Variants in DRC8 observed in about 807,000 individuals in gnomAD.
The protein encoded by DRC8 is dynein regulatory complex protein 8.
the DRC8 span, among the ~76,000 whole-genome samples, chr1:245,080,679 C>T: frequency 6.6e-6 from 1 of 152,152 alleles, no homozygotes; most frequent in South Asian, 2.1e-4. Context: ...TGAAGCCATC[C>T]ATTTCTCTCT....
the DRC8 span, among the ~76,000 whole-genome samples, chr1:245,052,421 T>C: frequency 1.3e-5 from 2 of 152,216 alleles, no homozygotes; most frequent in Middle Eastern, 3.4e-3. Flanking sequence ...CGTGTGTAGA[T>C]TAACTGCCAA....
At chr1:244,981,847 C>T in the DRC8 span, among the ~76,000 whole-genome samples, 1 of 152,170 alleles carries the variant, frequency 6.6e-6, no homozygotes. Flanking sequence ...TTGAAATATG[C>T]TAGTGCATTC....
the DRC8 span, among the ~76,000 whole-genome samples, chr1:245,013,860 G>T: frequency 6.6e-6 from 1 of 151,564 alleles, no homozygotes; most frequent in Non-Finnish European, 1.5e-5. Flanking sequence ...GTGAAACCCC[G>T]TCTCTACTAA....
chr1:245,086,041 C>T, the DRC8 span, among the ~76,000 whole-genome samples: 2 of 152,176 alleles, frequency 1.3e-5, no homozygotes, highest in African/African-American at 4.8e-5. Context: ...AGTGCGACCA[C>T]GTGGTTTACT....
At chr1:245,018,518 TG>T in the DRC8 span, among the ~76,000 whole-genome samples, 1 of 151,900 alleles carries the variant, frequency 6.6e-6, no homozygotes, top group African/African-American at 2.4e-5. Context: ...AGGAAATGAG[TG>T]GGCAGGGTGC....
the DRC8 span, among the ~76,000 whole-genome samples, chr1:245,108,168 G>A: frequency 6.6e-6 from 1 of 151,696 alleles, no homozygotes; most frequent in Non-Finnish European, 1.5e-5. Flanking sequence ...TCCCTCCACC[G>A]CCAAGCATTC....
the DRC8 span, among the ~76,000 whole-genome samples, chr1:245,081,715 T>G: frequency 3.3e-5 from 5 of 151,902 alleles, no homozygotes; most frequent in South Asian, 1.0e-3. Context: ...GTAATCTGCC[T>G]GCCTTGGCCT....
chr1:245,124,515 T>C, the DRC8 span: 1 of 152,130 alleles, frequency 6.6e-6, no homozygotes, highest in African/African-American at 2.4e-5. Context: ...TAAGCATCAG[T>C]CAGCCTGCAC....
At chr1:244,993,905 T>TG in the DRC8 span, among the ~76,000 whole-genome samples, 2 of 152,080 alleles carry the variant, frequency 1.3e-5, no homozygotes, top group East Asian at 3.9e-4. Flanking sequence ...AAAACTTGCA[T>TG]GGGGGTTTCA....
At chr1:245,018,434 C>T in the DRC8 span, among the ~76,000 whole-genome samples, 92 of 152,206 alleles carry the variant, frequency 6.0e-4, 1 homozygote, top group Middle Eastern at 6.8e-3. Flanking sequence ...CATACAGCTC[C>T]GGTGGCTGTG....
the DRC8 span, among the ~76,000 whole-genome samples, chr1:245,036,321 A>G: frequency 6.6e-6 from 1 of 152,390 alleles, no homozygotes; most frequent in African/African-American, 2.4e-5. Flanking sequence ...AATCAAAACC[A>G]TAGTGAAATA....
the DRC8 span, among the ~76,000 whole-genome samples, chr1:244,979,072 C>A: frequency 2.0e-5 from 3 of 151,986 alleles, no homozygotes; most frequent in Admixed American, 6.6e-5. Flanking sequence ...ATTATAGCCC[C>A]TTTTTATTCC....
the DRC8 span, among the ~76,000 whole-genome samples, chr1:245,089,779 G>GATGT: frequency 1.3e-5 from 2 of 152,110 alleles, no homozygotes; most frequent in African/African-American, 2.4e-5. The surrounding 1 kb of genome is among the most constrained non-coding windows in gnomAD (Gnocchi z 4.8). Context: ...AAGATGGGTG[G>GATGT]ATGTAGCAAG....
the DRC8 span, among the ~76,000 whole-genome samples, chr1:244,989,305 T>C: frequency 1.3e-5 from 2 of 152,228 alleles, no homozygotes; most frequent in Admixed American, 6.5e-5. Flanking sequence ...TGTCCTTTTC[T>C]GCTCCGGAGT....
At chr1:245,104,893 G>A in the DRC8 span, among the ~76,000 whole-genome samples, 2 of 152,170 alleles carry the variant, frequency 1.3e-5, no homozygotes, top group African/African-American at 4.8e-5. Flanking sequence ...ATCCAAACAA[G>A]GTCCTCGTGT....
the DRC8 span, among the ~76,000 whole-genome samples, chr1:245,088,559 C>A: frequency 6.6e-6 from 1 of 152,170 alleles, no homozygotes; most frequent in Admixed American, 6.5e-5. This position sits in a 1 kb window ranked among gnomAD's most constrained non-coding sequence, Gnocchi z 4.6. Context: ...CCTAACGAAT[C>A]CAGGTCACAG....
At chr1:245,022,709 ATGTGCG>A in the DRC8 span, among the ~76,000 whole-genome samples, 1 of 151,924 alleles carries the variant, frequency 6.6e-6, no homozygotes, top group Non-Finnish European at 1.5e-5. Flanking sequence ...ATGCATGTGC[ATGTGCG>A]TGTGCGTGTG....
At chr1:245,032,982 T>TAA in the DRC8 span, among the ~76,000 whole-genome samples, 3 of 138,862 alleles carry the variant, frequency 2.2e-5, no homozygotes, top group African/African-American at 2.7e-5. Context: ...ATTTCAGGAT[T>TAA]AAAAAAAAAA....
chr1:245,030,344 C>T, the DRC8 span, among the ~76,000 whole-genome samples: 1 of 151,920 alleles, frequency 6.6e-6, no homozygotes, highest in Non-Finnish European at 1.5e-5. Context: ...CTTGTAAGGA[C>T]GTATTTGGAA....
Sources: gnomAD v4.1 joint callset for allele counts (sites outside exome capture counted in the v4.1 genomes callset) on GRCh38, gnomAD v4.1.1 for gene constraint, Gnocchi (gnomAD v3.1) non-coding constraint, MANE v1.5 for transcripts, NCBI Gene and HGNC (gene_info 2026-07-23, HGNC 2026-07-21) for gene names.